The following ABCB9 variants were observed in gnomAD, a reference collection of about 807,000 sequenced individuals.
The protein encoded by ABCB9 is ABC-type oligopeptide transporter ABCB9.
Under a neutral mutation model 62.0 loss-of-function variants are expected in ABCB9, and 36 were observed. That is an observed-to-expected ratio of 0.58 (90% CI 0.45 to 0.77). The LOEUF is 0.77. Ranked by LOEUF, ABCB9 falls within the 30% of genes least tolerant of loss-of-function variation. ABCB9 has a pLI of 0.00. For synonymous variants in ABCB9, 435 were observed against 461.4 expected, an observed-to-expected ratio of 0.94 and a Z score of 0.73; for missense variants, 943 against 1,054.7, an observed-to-expected ratio of 0.89 and a Z score of 1.47.
downstream of ABCB9, among the ~76,000 whole-genome samples, chr12:122,925,612 G>T (rs1244383816): frequency 2.0e-5 from 3 of 152,100 alleles, no homozygotes; most frequent in Admixed American, 2.0e-4. Flanking sequence ...CCTGGGTGTG[G>T]CGGTGGGCGC....
chr12:122,958,245 C>G (rs2036716875), intron 2 of ABCB9, among the ~76,000 whole-genome samples: 1 of 150,340 alleles, frequency 6.7e-6, no homozygotes, highest in Non-Finnish European at 1.5e-5. Flanking sequence ...TGATGGGAGA[C>G]CAACTAAATA....
chr12:122,970,500 G>A (rs939857772), upstream of ABCB9, among the ~76,000 whole-genome samples: 16 of 151,922 alleles, frequency 1.1e-4, no homozygotes, highest in East Asian at 1.2e-3. Context: ...CACCTGCCTC[G>A]GCCTCCCAAA....
chr12:122,960,374 C>A, intron 1 of ABCB9, 52 bp from the exon 2 acceptor site: 1 of 1,224,304 alleles, frequency 8.2e-7, no homozygotes, highest in Non-Finnish European at 1.1e-6. Context: ...TTGCCACTCG[C>A]TGGCTGTGTG....
At chr12:122,926,724 C>CAA (rs59865125), downstream of ABCB9, among the ~76,000 whole-genome samples, 11 of 106,166 alleles carry the variant, frequency 1.0e-4, no homozygotes, top group Non-Finnish European at 1.4e-4. Context: ...CCTGTCTCTA[C>CAA]AAAAAAAAAA....
At chr12:122,956,522 T>C (rs983065057) in intron 2 of ABCB9, among the ~76,000 whole-genome samples, 3 of 152,196 alleles carry the variant, frequency 2.0e-5, no homozygotes, top group African/African-American at 7.2e-5. Context: ...TTTACTATTT[T>C]ATTATTTATG....
At chr12:122,943,468 A>G (rs899722788) in intron 7 of ABCB9, among the ~76,000 whole-genome samples, 1 of 152,112 alleles carries the variant, frequency 6.6e-6, no homozygotes, top group Non-Finnish European at 1.5e-5. Flanking sequence ...GCTGGCCCTG[A>G]GCCCCGTTCC....
At position 122,930,026 on chromosome 12, in the gene ABCB9, G is replaced by A; in HGVS notation, c.2186C>T (p.Ala729Val). Residue 729 changes from alanine (A) to valine (V), a missense_variant, in exon 12 of 12, where the codon GCC becomes GTC. Physicochemically the swap from Ala to Val is moderately conservative, Grantham distance 64 (BLOSUM62 0). Transcript: ENST00000280560. The surrounding 1 kb of genome is among the most constrained non-coding windows in gnomAD (Gnocchi z 4.9). ...CAGCTTGGCGTAGAGGCCGCCCTGG[G>A]CCAGCAGCTGCTGGTGGGTGCCCTG... ...VQQGTHQQLLAQGGLYAKLVQ... is the reference protein window; with the variant it reads ...VQQGTHQQLLVQGGLYAKLVQ... 1 of 1,573,068 alleles carries A rather than the reference G, an allele frequency of 6.4e-7. No homozygotes were observed. The highest frequency in any genetic ancestry group is 2.3e-5 in the East Asian group (1 of 43,072).
intron 1 of ABCB9, among the ~76,000 whole-genome samples, 159 bp downstream of exon 1, chr12:122,966,128 T>C (rs1327857857): frequency 1.3e-5 from 2 of 152,166 alleles, no homozygotes; most frequent in East Asian, 3.9e-4. Flanking sequence ...GAGCTGCGGC[T>C]GCGGGCTCCG....
intron 9 of ABCB9, chr12:122,939,395 C>T (rs1236101583): frequency 6.6e-6 from 1 of 152,338 alleles, no homozygotes; most frequent in Non-Finnish European, 1.5e-5. Context: ...CAGCACAGAG[C>T]TCAGGGGTGC....
Position 122,947,630 on chromosome 12 carries a change from C to T in ABCB9, c.1053+994G>A, listed in dbSNP as rs938448679. 3.6e-6 allele frequency: 1 copy of T among 280,638 alleles called. No homozygotes were observed. Among genetic ancestry groups the T allele is most frequent in the Admixed American group, 4.1e-5 (1 of 24,484 alleles). 17.4% of individuals were successfully genotyped at this position (280,638 alleles called of 1,614,324 possible). ...CTGTCTGTCCCTTAGGGCTCGGGGGCACCCGCCCATTCAGGAAGCAGGAGG... is the reference window on the plus strand; with the variant it reads ...CTGTCTGTCCCTTAGGGCTCGGGGGTACCCGCCCATTCAGGAAGCAGGAGG... On this transcript the variant is annotated intron_variant, in intron 5 of 11. Coordinates refer to ENST00000280560, the MANE Select transcript of ABCB9 (RefSeq NM_019625.4). The surrounding 1 kb of genome is among the most constrained non-coding windows in gnomAD (Gnocchi z 6.0).
chr12:122,962,265 G>A (rs2036943105), intron 1 of ABCB9, among the ~76,000 whole-genome samples: 1 of 152,324 alleles, frequency 6.6e-6, no homozygotes, highest in East Asian at 1.9e-4. Context: ...TTAGGACCGG[G>A]CTGGGGTGTG....
chr12:122,926,762 T>C (rs534660348), downstream of ABCB9, among the ~76,000 whole-genome samples: 1 of 150,764 alleles, frequency 6.6e-6, no homozygotes, highest in Admixed American at 6.6e-5. Context: ...TAGCTGGGCA[T>C]GGCGATGTGC....
chr12:122,971,692 T>C (rs1004205867), intron 1 of ABCB9, among the ~76,000 whole-genome samples: 1 of 152,144 alleles, frequency 6.6e-6, no homozygotes, highest in African/African-American at 2.4e-5. Context: ...GTTCAAGCGA[T>C]CTGCCCACCT....
chr12:122,944,434 A>G lies in ABCB9; in HGVS notation c.1337T>C (p.Ile446Thr). The G allele has an allele frequency of 6.2e-7, 1 of 1,613,912 alleles. No homozygotes were observed. The highest frequency in any genetic ancestry group is 8.5e-7 in the Non-Finnish European group (1 of 1,179,898). The change falls in exon 7 of 12, where the codon ATC becomes ACC. Residue 446 changes from isoleucine (I) to threonine (T), a missense_variant. Transcript: ENST00000280560. The surrounding 1 kb of genome is among the most constrained non-coding windows in gnomAD (Gnocchi z 4.9). ...ISGQMTSGNL[I>T]AFIIYEFVLG... ...GACAAACTCGTAGATGATGAAGGCG[A>G]TGAGGTTGCCGCTGGTCATCTGGCC...
downstream of ABCB9, chr12:122,924,901 C>T: frequency 7.5e-6 from 10 of 1,330,916 alleles, no homozygotes; most frequent in South Asian, 1.3e-5. Context: ...TCCACACCCA[C>T]CAGGATGGTG....
At chr12:122,954,972 G>T (rs2135887879) in intron 2 of ABCB9, among the ~76,000 whole-genome samples, 1 of 152,176 alleles carries the variant, frequency 6.6e-6, no homozygotes, top group Middle Eastern at 3.4e-3. Context: ...GTACCTAATT[G>T]TCTTTTTTGA....
intron 7 of ABCB9, 33 bp from the exon 8 acceptor site, chr12:122,941,028 C>A (rs4148866): frequency 1.3e-6 from 2 of 1,540,444 alleles, no homozygotes; most frequent in African/African-American, 1.4e-5. Context: ...CCTGTCCCAC[C>A]GATACCCGAC....
At chr12:122,935,566 C>T (rs1360261942) in intron 9 of ABCB9, 135 bp from the exon 10 acceptor site, 7 of 1,016,918 alleles carry the variant, frequency 6.9e-6, no homozygotes, top group South Asian at 3.4e-5. Context: ...AGTGACTGCA[C>T]TGAGCTGCCT....
In ABCB9 at chr12:122,940,497, T is replaced by C. The variant is rs1267852833; in HGVS notation, c.1570-213A>G. Among the ~76,000 whole-genome samples the C allele has an allele frequency of 1.3e-5, 2 of 152,192 alleles. No individual in the cohort carries two copies. The highest frequency in any genetic ancestry group is 2.9e-5 in the Non-Finnish European group (2 of 68,026). On this transcript the variant is annotated intron_variant, in intron 8 of 11. Coordinates refer to ENST00000280560, the MANE Select transcript of ABCB9 (RefSeq NM_019625.4). The surrounding 1 kb of genome is among the most constrained non-coding windows in gnomAD (Gnocchi z 4.8). ...TTTCCTCTGTCTGGAATGTTCTCTC[T>C]GCAGGGAGGCCCCTGGTGAGGTCTC...
Sources: allele counts gnomAD v4.1 joint callset (sites outside exome capture counted in the v4.1 genomes callset), GRCh38; gene constraint gnomAD v4.1.1; non-coding constraint Gnocchi (gnomAD v3.1); transcripts MANE v1.5; gene names NCBI Gene and HGNC (gene_info 2026-07-23, HGNC 2026-07-21).